Variants in TRPM3 observed in about 807,000 individuals in gnomAD.
TRPM3 encodes transient receptor potential cation channel subfamily M member 3.
Under a neutral mutation model 181.2 loss-of-function variants are expected in TRPM3, and 77 were observed. The ratio of observed to expected loss-of-function variants is 0.42; its 90% CI spans 0.35 to 0.51. The LOEUF (loss-of-function observed/expected upper bound fraction) is 0.51. TRPM3 is among the 20% of genes least tolerant of loss of function. The pLI is 0.01. For missense variants in TRPM3, 1,759 were observed against 2,196.7 expected (o/e 0.80, Z 3.98); for synonymous variants, 745 against 796.4 (o/e 0.94, Z 1.09).
At chr9:71,154,198 A>T (rs188180184) in intron 1 of TRPM3, among the ~76,000 whole-genome samples, 87 of 152,294 alleles carry the variant, frequency 5.7e-4, no homozygotes, top group African/African-American at 2.0e-3. Flanking sequence ...TATGTTTTAG[A>T]TCTCTTACCC....
chr9:70,840,367 T>C (rs965864189), intron 5 of TRPM3, among the ~76,000 whole-genome samples: 2 of 152,144 alleles, frequency 1.3e-5, no homozygotes, highest in Non-Finnish European at 2.9e-5. Context: ...CTCTATAACC[T>C]GCCACTTTTA....
intron 1 of TRPM3, among the ~76,000 whole-genome samples, chr9:71,005,215 T>C (rs1217235986): frequency 1.3e-5 from 2 of 152,154 alleles, no homozygotes; most frequent in African/African-American, 2.4e-5. Flanking sequence ...GAGACCAGCC[T>C]GACCAACATG....
rs78145048 is a variant in TRPM3 at position 70,904,565 on chromosome 9, T to C, written c.178-40054A>G. Among the ~76,000 whole-genome samples, 907 of 152,214 alleles carry C rather than the reference T, an allele frequency of 6.0e-3. 8 individuals carry two copies. Among genetic ancestry groups the C allele is most frequent in the South Asian group, 0.048 (232 of 4,822 alleles). ...TAGGGAGTAACCAGAAAACAAAGCA[T>C]GCTGGGGCCAACACATATTAACAAG... On this transcript the variant is annotated intron_variant, in intron 1 of 25. Transcript: ENST00000677713.
intron 1 of TRPM3, among the ~76,000 whole-genome samples, chr9:71,336,437 T>C (rs2090562191): frequency 6.6e-6 from 1 of 152,028 alleles, no homozygotes; most frequent in African/African-American, 2.4e-5. Flanking sequence ...AAACCACTGC[T>C]CAAGGAAATA....
At chr9:70,811,381 A>G (rs1176069900) in intron 6 of TRPM3, 3 of 683,458 alleles carry the variant, frequency 4.4e-6, no homozygotes, top group Admixed American at 5.2e-5. Flanking sequence ...ACCTATGTAG[A>G]GCATCATCCA....
chr9:71,210,844 C>T (rs1374963954), intron 1 of TRPM3, among the ~76,000 whole-genome samples: 1 of 152,180 alleles, frequency 6.6e-6, no homozygotes, highest in Non-Finnish European at 1.5e-5. Context: ...AGTGAGGGTT[C>T]TCTTACTGCT....
chr9:70,837,071 G>A (rs756126523), intron 5 of TRPM3, among the ~76,000 whole-genome samples: 3 of 152,158 alleles, frequency 2.0e-5, no homozygotes, highest in African/African-American at 4.8e-5. Context: ...ATTTGGGCGG[G>A]TGTCCTTGTC....
At chr9:71,110,348 C>T (rs549246541) in intron 1 of TRPM3, among the ~76,000 whole-genome samples, 2 of 152,240 alleles carry the variant, frequency 1.3e-5, no homozygotes, top group Admixed American at 1.3e-4. Flanking sequence ...TGGTTGAAAG[C>T]AATGAAAATT....
intron 1 of TRPM3, among the ~76,000 whole-genome samples, chr9:71,026,913 G>A (rs762944351): frequency 1.3e-5 from 2 of 152,172 alleles, no homozygotes; most frequent in South Asian, 4.1e-4. Flanking sequence ...GATGCTGCAT[G>A]GTGGCTGGGG....
At chr9:70,872,903 C>T (rs1228274826) in intron 1 of TRPM3, among the ~76,000 whole-genome samples, 5 of 151,788 alleles carry the variant, frequency 3.3e-5, no homozygotes, top group African/African-American at 4.8e-5. Flanking sequence ...GATTTCAGGG[C>T]GGGACTCAGA....
At chr9:71,130,472 A>G (rs1227893015) in intron 1 of TRPM3, among the ~76,000 whole-genome samples, 2 of 152,168 alleles carry the variant, frequency 1.3e-5, no homozygotes, top group African/African-American at 4.8e-5. Flanking sequence ...GTAAAATTAT[A>G]TGGTTACAGG....
chr9:70,892,664 A>C (rs1440395736), intron 1 of TRPM3, among the ~76,000 whole-genome samples: 1 of 151,826 alleles, frequency 6.6e-6, no homozygotes, highest in Non-Finnish European at 1.5e-5. Flanking sequence ...AATCTATCAC[A>C]TTCATGGATG....
chr9:70,657,367 G>A (rs1016070343), intron 9 of TRPM3, among the ~76,000 whole-genome samples: 16 of 151,366 alleles, frequency 1.1e-4, no homozygotes, highest in East Asian at 3.9e-4. Context: ...TAAAGGCCAC[G>A]AAATACTAAC....
intron 8 of TRPM3, among the ~76,000 whole-genome samples, chr9:70,756,276 C>A (rs1035058950): frequency 6.6e-6 from 1 of 151,598 alleles, no homozygotes; most frequent in Non-Finnish European, 1.5e-5. Flanking sequence ...GGGATCAATG[C>A]AACAAGACAA....
intron 1 of TRPM3, among the ~76,000 whole-genome samples, chr9:71,009,864 C>G (rs1390800646): frequency 1.3e-5 from 2 of 152,104 alleles, no homozygotes; most frequent in Non-Finnish European, 2.9e-5. Context: ...AAGCATAGTA[C>G]TGTCATAAAA....
intron 5 of TRPM3, among the ~76,000 whole-genome samples, chr9:70,837,351 C>G (rs35672482): frequency 0.31 from 47,390 of 151,982 alleles, 8,157 homozygotes; most frequent in African/African-American, 0.45. Context: ...ACATAAGAAC[C>G]CTTACAGGCT....
rs184424910 is a variant in TRPM3 at position 70,537,146 on chromosome 9, G to T, written c.3967C>A (p.Leu1323Ile). ...CCTGCAGGGTCTATACTCTCTTGGA[G>T]CTTGAAGGTGTTCCCTTCCTGGCTG... ...FNSQEGNTFKLQESIDPAGEE... is the reference protein window; with the variant it reads ...FNSQEGNTFKIQESIDPAGEE... Residue 1323 changes from leucine to isoleucine, a missense_variant, in exon 26 of 26, where the codon CTC becomes ATC. Leu to Ile is a conservative substitution (Grantham distance 5). Coordinates refer to ENST00000677713, the MANE Select transcript of TRPM3 (RefSeq NM_001366145.2). 285 of 1,591,574 alleles carry T rather than the reference G, an allele frequency of 1.8e-4. No individual in the cohort carries two copies. The highest frequency in any genetic ancestry group is 2.1e-4 in the Non-Finnish European group (247 of 1,163,300).
At chr9:70,582,362 T>G (rs544764389) in intron 22 of TRPM3, among the ~76,000 whole-genome samples, 16 of 152,330 alleles carry the variant, frequency 1.1e-4, no homozygotes, top group African/African-American at 3.6e-4. Flanking sequence ...TTTTGTTTGC[T>G]TGATTGATTG....
chr9:71,018,106 G>C (rs2097800646), intron 1 of TRPM3, among the ~76,000 whole-genome samples: 1 of 151,766 alleles, frequency 6.6e-6, no homozygotes, highest in Non-Finnish European at 1.5e-5. Flanking sequence ...CAAAATGGAA[G>C]TTAAAAAGTG....
Sources: gnomAD v4.1 joint callset for allele counts (sites outside exome capture counted in the v4.1 genomes callset) on GRCh38, gnomAD v4.1.1 for gene constraint, MANE v1.5 for transcripts, NCBI Gene and HGNC (gene_info 2026-07-23, HGNC 2026-07-21) for gene names.